MED12L: variants seen among roughly 807,000 people sequenced by gnomAD.
The protein encoded by MED12L is mediator complex subunit 12L, also known as mediator of RNA polymerase II transcription subunit 12-like protein.
A neutral mutation model predicts 281.3 loss-of-function variants in MED12L; 60 were observed. The observed-to-expected ratio is 0.21, with a 90% confidence interval of 0.17 to 0.26. The LOEUF is 0.26. Ranked by LOEUF, MED12L falls within the 10% of genes least tolerant of loss-of-function variation. MED12L has a pLI of 1.00. For missense variants in MED12L, 2,146 were observed against 2,680.9 expected, an observed-to-expected ratio of 0.80 and a Z score of 4.41; for synonymous variants, 974 against 987.2, an observed-to-expected ratio of 0.99 and a Z score of 0.25.
At chr3:151,378,268 C>A in intron 31 of MED12L, 95 bp downstream of exon 31, 2 of 1,222,130 alleles carry the variant, frequency 1.6e-6, no homozygotes, top group South Asian at 2.2e-5. Flanking sequence ...TACCCACAGT[C>A]CACTGAAATT....
In MED12L at chr3:151,190,761, G is replaced by T. The variant is rs1375924932; in HGVS notation, c.1798G>T (p.Val600Leu). The T allele has an allele frequency of 6.2e-7, 1 of 1,614,168 alleles. No homozygotes were observed. Residue 600 changes from valine to leucine, a missense_variant, in exon 14 of 45, where the codon GTG becomes TTG. Physicochemically the swap from Val to Leu is conservative, Grantham distance 32. This residue lies in a region of MED12L where 722 missense variants were observed against 861.2 expected (regional missense o/e 0.84). Coordinates refer to ENST00000687756, the MANE Select transcript of MED12L (RefSeq NM_001393769.1). ...TGAAAAGGTGGAATTTGTGAACCTG[G>T]TGCTGCTCTTCTGCGAGTTCATCCG... The part of the protein sequence containing the change: ...ECEKVEFVNL[V>L]LLFCEFIRHD...
At chr3:151,272,943 G>C (rs968680339) in intron 16 of MED12L, among the ~76,000 whole-genome samples, 1 of 152,130 alleles carries the variant, frequency 6.6e-6, no homozygotes, top group Non-Finnish European at 1.5e-5. Context: ...AAAATCTGAA[G>C]TCCGAAGTGC....
intron 16 of MED12L, among the ~76,000 whole-genome samples, chr3:151,334,076 C>A (rs74683367): frequency 8.9e-5 from 13 of 145,902 alleles, no homozygotes; most frequent in African/African-American, 2.8e-4. Flanking sequence ...GACTCTATCT[C>A]AAAAAAAAGA....
At chr3:151,243,540 A>G (rs1734696730) in intron 16 of MED12L, among the ~76,000 whole-genome samples, 1 of 152,224 alleles carries the variant, frequency 6.6e-6, no homozygotes, top group Admixed American at 6.5e-5. Flanking sequence ...AAGGAGAAAT[A>G]AAATACTTTA....
chr3:151,131,852 G>T (rs1385496803), intron 5 of MED12L, among the ~76,000 whole-genome samples: 1 of 151,584 alleles, frequency 6.6e-6, no homozygotes, highest in Admixed American at 6.6e-5. Flanking sequence ...GGACTTTGGA[G>T]GGTTATTTTT....
chr3:151,356,605 GTT>G (rs946373044), intron 19 of MED12L, among the ~76,000 whole-genome samples: 1 of 151,742 alleles, frequency 6.6e-6, no homozygotes, highest in Non-Finnish European at 1.5e-5. Context: ...AAATGTGAGA[GTT>G]TTGAGTGTTT....
chr3:151,086,964 C>T lies in MED12L; in HGVS notation c.38C>T (p.Pro13Leu). 3 of 1,610,022 alleles carry T rather than the reference C, an allele frequency of 1.9e-6. No individual in the cohort carries two copies. The highest frequency in any genetic ancestry group is 1.7e-6 in the Non-Finnish European group (2 of 1,178,826). ...GGGCTTCTCAGCTATGAGCAGAGAC[C>T]GCTGAAGCGCCCCCGGCTCGGGCCG... ...AFGLLSYEQR[P>L]LKRPRLGPPD... The change falls in exon 2 of 45, where the codon CCG (proline) becomes CTG (leucine). Residue 13 changes from proline to leucine, a missense_variant. Around this residue, in one of 9 missense-constraint regions of MED12L, gnomAD observed 44 missense variants for 39.7 expected, o/e 1.11. Coordinates refer to ENST00000687756, the MANE Select transcript of MED12L (RefSeq NM_001393769.1).
At chr3:151,424,959 C>CT (rs1718714186) in intron 43 of MED12L, among the ~76,000 whole-genome samples, 2 of 152,304 alleles carry the variant, frequency 1.3e-5, no homozygotes, top group South Asian at 4.1e-4. Context: ...GCAAAAACCT[C>CT]TTAACTGTCA....
At chr3:151,147,348 G>C (rs963258145) in intron 5 of MED12L, among the ~76,000 whole-genome samples, 2 of 151,960 alleles carry the variant, frequency 1.3e-5, no homozygotes, top group Non-Finnish European at 2.9e-5. Context: ...TTAAATATTT[G>C]AATATTAAAA....
intron 26 of MED12L, among the ~76,000 whole-genome samples, chr3:151,369,868 T>C (rs1355836566): frequency 6.6e-6 from 1 of 152,154 alleles, no homozygotes; most frequent in Non-Finnish European, 1.5e-5. Flanking sequence ...GAAATCACAC[T>C]TTGTGAGAGA....
chr3:151,286,594 G>A (rs1033385022), intron 16 of MED12L, among the ~76,000 whole-genome samples: 5 of 152,174 alleles, frequency 3.3e-5, no homozygotes, highest in African/African-American at 7.2e-5. Context: ...CTTCACAGGA[G>A]GGGGAGCTTC....
At chr3:151,141,187 G>GTTTTTTTTTTTTTTGTTTTTTTTT in intron 5 of MED12L, among the ~76,000 whole-genome samples, 1 of 99,120 alleles carries the variant, frequency 1.0e-5, no homozygotes, top group South Asian at 3.5e-4. Context: ...TGTTTTTTTT[G>GTTTTTTTTTTTTTTGTTTTTTTTT]TTTTTTTTTT....
intron 16 of MED12L, among the ~76,000 whole-genome samples, chr3:151,268,079 G>A (rs1369325937): frequency 1.3e-5 from 2 of 152,048 alleles, no homozygotes; most frequent in Non-Finnish European, 1.5e-5. Context: ...AATATGCATC[G>A]GTGGTAGTCT....
chr3:151,284,692 T>C (rs180954704), intron 16 of MED12L, among the ~76,000 whole-genome samples: 2,520 of 152,290 alleles, frequency 0.017, 177 homozygotes, highest in East Asian at 0.15. Context: ...CACCACAACC[T>C]CCGCCTCCCG....
intron 2 of MED12L, among the ~76,000 whole-genome samples, chr3:151,095,350 A>G (rs1223587343): frequency 6.6e-6 from 1 of 151,990 alleles, no homozygotes; most frequent in East Asian, 1.9e-4. Flanking sequence ...TTTTTCTTTT[A>G]AATTAGAGAT....
chr3:151,354,378 T>C (rs1753665012), intron 17 of MED12L, among the ~76,000 whole-genome samples: 1 of 152,142 alleles, frequency 6.6e-6, no homozygotes, highest in African/African-American at 2.4e-5. Flanking sequence ...CTCTTTATGC[T>C]AATTTGATAA....
At chr3:151,109,420 A>G (rs769424913) in intron 2 of MED12L, among the ~76,000 whole-genome samples, 8 of 152,218 alleles carry the variant, frequency 5.3e-5, no homozygotes, top group Non-Finnish European at 1.0e-4. Flanking sequence ...AGCATGGACT[A>G]TTTTCTGGAC....
intron 43 of MED12L, among the ~76,000 whole-genome samples, 191 bp from the exon 44 acceptor site, chr3:151,430,108 G>C (rs746537238): frequency 3.3e-5 from 5 of 152,104 alleles, no homozygotes; most frequent in Non-Finnish European, 7.4e-5. Context: ...TGAATAGATG[G>C]GGTACTTCAG....
intron 27 of MED12L, among the ~76,000 whole-genome samples, chr3:151,374,089 C>A (rs1274588328): frequency 1.3e-5 from 2 of 152,162 alleles, no homozygotes; most frequent in Non-Finnish European, 2.9e-5. Flanking sequence ...TTAGTATCAC[C>A]TTCTTCCCTA....
Sources: gnomAD v4.1 joint callset for allele counts (sites outside exome capture counted in the v4.1 genomes callset) on GRCh38, gnomAD v4.1.1 for gene constraint, gnomAD v4.1.1 regional missense constraint, MANE v1.5 for transcripts, NCBI Gene and HGNC (gene_info 2026-07-23, HGNC 2026-07-21) for gene names.